ATG10: variants seen among roughly 807,000 people sequenced by gnomAD.
ATG10 encodes autophagy related 10.
Under a neutral mutation model 32.1 loss-of-function variants are expected in ATG10, and 30 were observed. The observed-to-expected ratio is 0.94, with a 90% confidence interval of 0.70 to 1.27. The LOEUF (loss-of-function observed/expected upper bound fraction) is 1.27. Among genes scored for constraint, ATG10 ranks in the 50% most tolerant of loss-of-function variants. The pLI is 0.00. For missense variants in ATG10, 233 were observed against 262.3 expected (o/e 0.89, Z 0.77); for synonymous variants, 87 against 91.5 (o/e 0.95, Z 0.28).
intron 5 of ATG10, among the ~76,000 whole-genome samples, chr5:82,252,353 C>G (rs1432756037): frequency 6.6e-6 from 1 of 152,220 alleles, no homozygotes; most frequent in East Asian, 1.9e-4. Flanking sequence ...CTCGACCATA[C>G]TGCTTTATCA....
chr5:82,023,091 T>C (rs1178844880), intron 2 of ATG10, among the ~76,000 whole-genome samples: 1 of 151,890 alleles, frequency 6.6e-6, no homozygotes, highest in Admixed American at 6.6e-5. Context: ...AGTTGCCTCT[T>C]ATCAATGTGT....
rs546356121 is a variant in ATG10, at chr5:82,082,499, T to G, written c.216+23897T>G. Among the ~76,000 whole-genome samples the G allele has an allele frequency of 3.5e-4, 54 of 152,354 alleles. 1 individual carries two copies. Among genetic ancestry groups the G allele is most frequent in the South Asian group, 1.4e-3 (7 of 4,832 alleles). The stretch of plus-strand genomic sequence containing the variant: ...ACGTAATGTCTCATGGGCAGCTTCA[T>G]TTTAAAGACCCTCTTGAGAGTCTTT... On this transcript the variant is annotated intron_variant, in intron 3 of 7. Coordinates refer to ENST00000282185, the MANE Select transcript of ATG10 (RefSeq NM_031482.5).
intron 3 of ATG10, chr5:82,073,585 A>G (rs1386852224): frequency 6.6e-6 from 1 of 152,236 alleles, no homozygotes; most frequent in East Asian, 1.9e-4. Flanking sequence ...ATGGGATCCC[A>G]AATACAGGAG....
At chr5:81,986,188 G>A (rs1053829936) in intron 1 of ATG10, among the ~76,000 whole-genome samples, 10 of 152,288 alleles carry the variant, frequency 6.6e-5, no homozygotes, top group South Asian at 2.1e-4. Context: ...GTGAGCCACC[G>A]CGCCCAGCCC....
intron 1 of ATG10, among the ~76,000 whole-genome samples, chr5:81,986,455 A>G (rs1761276240): frequency 6.6e-6 from 1 of 152,188 alleles, no homozygotes; most frequent in Non-Finnish European, 1.5e-5. Context: ...GGCAAGGACT[A>G]TATATTTTTT....
intron 2 of ATG10, among the ~76,000 whole-genome samples, chr5:82,046,996 T>A (rs927902808): frequency 1.1e-4 from 16 of 151,702 alleles, no homozygotes; most frequent in Admixed American, 2.6e-4. Context: ...TTTTTTTTTT[T>A]AAATTTTATC....
intron 2 of ATG10, among the ~76,000 whole-genome samples, chr5:81,990,339 AT>A (rs1272739671): frequency 7.2e-5 from 11 of 152,136 alleles, no homozygotes; most frequent in African/African-American, 2.6e-4. Context: ...TCTTTAAGAA[AT>A]TTTTCTTTAT....
intron 5 of ATG10, among the ~76,000 whole-genome samples, chr5:82,216,534 G>A (rs1239605639): frequency 6.6e-6 from 1 of 152,162 alleles, no homozygotes; most frequent in Non-Finnish European, 1.5e-5. Flanking sequence ...AATCAAGTAA[G>A]CCACCTGAGC....
chr5:82,066,524 C>A (rs1024351928), intron 3 of ATG10, among the ~76,000 whole-genome samples: 1 of 152,028 alleles, frequency 6.6e-6, no homozygotes, highest in African/African-American at 2.4e-5. Context: ...GTCTTAGGGC[C>A]TTGTAGTTCA....
intron 3 of ATG10, among the ~76,000 whole-genome samples, chr5:82,118,384 G>GTATATA (rs1347264600): frequency 1.1e-4 from 2 of 18,774 alleles, no homozygotes; most frequent in African/African-American, 5.4e-4. Context: ...TATAATATAT[G>GTATATA]TACATATATA....
intron 2 of ATG10, among the ~76,000 whole-genome samples, chr5:82,020,741 T>G (rs1432934567): frequency 2.0e-5 from 3 of 152,132 alleles, no homozygotes; most frequent in Non-Finnish European, 4.4e-5. Context: ...AAAGTAGAAA[T>G]ACTCAAGTAC....
At chr5:82,079,509 C>G (rs1764399111) in intron 3 of ATG10, among the ~76,000 whole-genome samples, 3 of 152,040 alleles carry the variant, frequency 2.0e-5, no homozygotes, top group Admixed American at 6.6e-5. Context: ...AGTGCTATCC[C>G]TCCCCAATCC....
intron 5 of ATG10, among the ~76,000 whole-genome samples, chr5:82,238,732 A>G (rs905578526): frequency 6.6e-6 from 1 of 152,174 alleles, no homozygotes; most frequent in Non-Finnish European, 1.5e-5. Flanking sequence ...ACCCACAATA[A>G]GTATTCAGTG....
At chr5:82,207,506 G>T in intron 5 of ATG10, among the ~76,000 whole-genome samples, 1 of 152,130 alleles carries the variant, frequency 6.6e-6, no homozygotes. Flanking sequence ...ATTTATAGGA[G>T]TTTTTCACAA....
At chr5:82,071,798 A>G (rs531488589) in intron 3 of ATG10, among the ~76,000 whole-genome samples, 45 of 152,266 alleles carry the variant, frequency 3.0e-4, no homozygotes, top group African/African-American at 1.0e-3. Flanking sequence ...CCAGAGGGGT[A>G]TTAGGCTAGC....
At chr5:82,201,107 A>G (rs1745054773) in intron 5 of ATG10, among the ~76,000 whole-genome samples, 1 of 151,098 alleles carries the variant, frequency 6.6e-6, no homozygotes, top group South Asian at 2.1e-4. Flanking sequence ...CTGGTCTTGA[A>G]CTCCTGACCT....
chr5:82,004,329 T>C (rs1761931306), intron 2 of ATG10, among the ~76,000 whole-genome samples: 1 of 152,170 alleles, frequency 6.6e-6, no homozygotes, highest in African/African-American at 2.4e-5. Flanking sequence ...GGGAACCAGA[T>C]ATGATACACT....
rs59371349 is a variant in ATG10, at chr5:81,993,310, C to CTTTCTTTCCTTCCTTCCTT, written c.108+5632_108+5633insTTTCTTTCCTTCCTTCCTT. Among the ~76,000 whole-genome samples, 483 of 61,298 alleles carry CTTTCTTTCCTTCCTTCCTT rather than the reference C, an allele frequency of 7.9e-3. 14 individuals carry two copies. The highest frequency in any genetic ancestry group is 0.026 in the Middle Eastern group (4 of 156). 40.2% of individuals were successfully genotyped at this position (61,298 alleles called of 152,430 possible). ...CTTTCCTTCTTTCTTTCCTTTCTTTCCTTTCTTTCTTTCTTTCCTTCCTTC... is the reference window on the plus strand; with the variant it reads ...CTTTCCTTCTTTCTTTCCTTTCTTTCTTTCTTTCCTTCCTTCCTTCTTTCTTTCTTTCTTTCCTTCCTTC... On this transcript the variant is annotated intron_variant, in intron 2 of 7. Coordinates refer to ENST00000282185, the MANE Select transcript of ATG10 (RefSeq NM_031482.5).
At chr5:82,208,938 A>G (rs1745396085) in intron 5 of ATG10, among the ~76,000 whole-genome samples, 1 of 152,182 alleles carries the variant, frequency 6.6e-6, no homozygotes, top group Admixed American at 6.5e-5. Context: ...TCATATTCAT[A>G]AGAGAAATTA....
Sources: allele counts gnomAD v4.1 joint callset (sites outside exome capture counted in the v4.1 genomes callset), GRCh38; gene constraint gnomAD v4.1.1; transcripts MANE v1.5; gene names NCBI Gene and HGNC (gene_info 2026-07-23, HGNC 2026-07-21).